The following APOL5 variants were observed in gnomAD, a reference collection of about 807,000 sequenced individuals.
The protein encoded by APOL5 is apolipoprotein L5.
In APOL5, 29 loss-of-function variants were observed where a neutral mutation model predicts 35.5. The observed-to-expected ratio is 0.82, with a 90% CI of 0.61 to 1.11. The LOEUF (loss-of-function observed/expected upper bound fraction) is 1.11, where lower values mean the gene tolerates loss of function less well. Among genes scored for constraint, APOL5 ranks in the 50% most tolerant of loss-of-function variants. The pLI is 0.00. For synonymous variants in APOL5, 188 were observed against 200.2 expected, an observed-to-expected ratio of 0.94 and a Z score of 0.51; for missense variants, 514 against 530.4, an observed-to-expected ratio of 0.97 and a Z score of 0.30.
At chr22:35,719,765 T>A (rs1926895109) in intron 1 of APOL5, among the ~76,000 whole-genome samples, 1 of 152,166 alleles carries the variant, frequency 6.6e-6, no homozygotes, top group Non-Finnish European at 1.5e-5. Flanking sequence ...CGAGCCCCAG[T>A]GAGCTTATCG....
At chr22:35,721,332 C>CAGGA (rs938225739) in intron 2 of APOL5, among the ~76,000 whole-genome samples, 1 of 152,098 alleles carries the variant, frequency 6.6e-6, no homozygotes, top group African/African-American at 2.4e-5. Flanking sequence ...CGCTTGAGGT[C>CAGGA]AGGAGTTCAA....
intron 3 of APOL5, 129 bp downstream of exon 3, chr22:35,727,323 AC>A: frequency 7.4e-7 from 1 of 1,345,724 alleles, no homozygotes; most frequent in Non-Finnish European, 1.0e-6. Context: ...CAAAGAGAGG[AC>A]TTGCCGCACA....
intron 3 of APOL5, among the ~76,000 whole-genome samples, chr22:35,728,450 C>T (rs1300466459): frequency 6.6e-6 from 1 of 152,300 alleles, no homozygotes. Flanking sequence ...GTCTCGATCT[C>T]CTGACCTCGT....
At chr22:35,720,685 T>G (rs374963485) in intron 2 of APOL5, 31 bp downstream of exon 2, 22 of 1,460,436 alleles carry the variant, frequency 1.5e-5, no homozygotes, top group Non-Finnish European at 2.1e-5. Context: ...GTTATGCTTA[T>G]GGCCACAATC....
intron 1 of APOL5, among the ~76,000 whole-genome samples, chr22:35,718,256 T>C (rs1272208031): frequency 6.6e-6 from 1 of 152,160 alleles, no homozygotes; most frequent in Non-Finnish European, 1.5e-5. Context: ...CTGGTTAAAG[T>C]AGAGGCAGCA....
At chr22:35,720,683 T>A (rs1601895948) in intron 2 of APOL5, 29 bp downstream of exon 2, 1 of 1,469,858 alleles carries the variant, frequency 6.8e-7, no homozygotes, top group Non-Finnish European at 9.5e-7. Flanking sequence ...CTGTTATGCT[T>A]ATGGCCACAA....
chr22:35,718,593 CAAAAAAA>C (rs58513283), intron 1 of APOL5, among the ~76,000 whole-genome samples: 7,739 of 97,076 alleles, frequency 0.08, 272 homozygotes, highest in Middle Eastern at 0.23. Context: ...GACCCCGTCT[CAAAAAAA>C]AAAAAAAAAA....
chr22:35,726,202 T>A lies in APOL5; in HGVS notation c.143-9T>A, dbSNP rs1927146219. 1 of 1,601,392 alleles carries A rather than the reference T, an allele frequency of 6.2e-7. No homozygotes were observed. Among genetic ancestry groups the A allele is most frequent in the African/African-American group, 1.3e-5 (1 of 74,730 alleles). ...CATTTTAGTGCTCAGATTGCCTAGATGTCTTTAGCCTCACTCGTGAACCTG... is the reference window on the plus strand; with the variant it reads ...CATTTTAGTGCTCAGATTGCCTAGAAGTCTTTAGCCTCACTCGTGAACCTG... On this transcript the variant is annotated splice_polypyrimidine_tract_variant and intron_variant, in intron 2 of 4. Coordinates refer to ENST00000249044, the MANE Select transcript of APOL5 (RefSeq NM_030642.1).
chr22:35,718,331 A>G (rs555177752), intron 1 of APOL5, among the ~76,000 whole-genome samples: 2 of 152,302 alleles, frequency 1.3e-5, no homozygotes, highest in African/African-American at 2.4e-5. Flanking sequence ...ATGACCCCAA[A>G]GCACGGTTGG....
At chr22:35,720,275 A>G (rs1158757944) in intron 1 of APOL5, among the ~76,000 whole-genome samples, 3 of 152,218 alleles carry the variant, frequency 2.0e-5, no homozygotes, top group Admixed American at 1.3e-4. Flanking sequence ...ATTAACGTAT[A>G]ACGTCAACAT....
intron 3 of APOL5, among the ~76,000 whole-genome samples, chr22:35,728,512 C>T (rs548858735): frequency 1.3e-4 from 20 of 152,344 alleles, no homozygotes; most frequent in African/African-American, 4.3e-4. Context: ...CGTGAGCAAC[C>T]GCGCCCGGCC....
intron 3 of APOL5, among the ~76,000 whole-genome samples, chr22:35,728,444 C>A (rs950337305): frequency 3.3e-5 from 5 of 152,116 alleles, no homozygotes; most frequent in Non-Finnish European, 7.4e-5. Flanking sequence ...AGGATGGTCT[C>A]GATCTCCTGA....
chr22:35,717,235 A>AAAT, upstream of APOL5, among the ~76,000 whole-genome samples: 664 of 57,654 alleles, frequency 0.012, 18 homozygotes, highest in Non-Finnish European at 0.015. Flanking sequence ...AAAAAAAAAA[A>AAAT]ATATATATAT....
chr22:35,713,088 G>T (rs1469603878), upstream of APOL5, among the ~76,000 whole-genome samples: 1 of 152,136 alleles, frequency 6.6e-6, no homozygotes, highest in Non-Finnish European at 1.5e-5. Context: ...TTGAAGAGAG[G>T]CTTTTCTTTT....
intron 2 of APOL5, among the ~76,000 whole-genome samples, chr22:35,724,872 A>G (rs1927096426): frequency 6.6e-6 from 1 of 152,156 alleles, no homozygotes. Context: ...CGGTGTCCCA[A>G]AGTGCTGAGA....
intron 2 of APOL5, among the ~76,000 whole-genome samples, chr22:35,725,252 GTTTTTTGTTTTGT>G (rs1056260187): frequency 6.6e-5 from 10 of 152,004 alleles, no homozygotes; most frequent in Admixed American, 1.3e-4. Flanking sequence ...CGAGGACTGG[GTTTTTTGTTTTGT>G]TTTTTTGTTT....
intron 1 of APOL5, among the ~76,000 whole-genome samples, chr22:35,719,756 G>A (rs1043943687): frequency 3.9e-5 from 6 of 152,054 alleles, no homozygotes; most frequent in South Asian, 2.1e-4. Flanking sequence ...TGCAGCTCCC[G>A]AGCCCCAGTG....
At position 35,728,981 on chromosome 22, in the gene APOL5, T is replaced by C. The variant is rs1927276132; in HGVS notation, c.*6+77T>C. The stretch of plus-strand genomic sequence containing the variant: ...TAACCCCTCCTTGGGTGGGTGGGCT[T>C]CAGGGAAAGAGAGGGAGGGCCTAAC... On this transcript the variant is annotated intron_variant, in intron 4 of 4. Transcript: ENST00000249044. 7 of 1,412,992 alleles carry C rather than the reference T, an allele frequency of 5.0e-6. No homozygotes were observed. In the South Asian group the frequency reaches 1.1e-4, roughly 21 times the overall value. The allele number at this position is 1,412,992 out of a possible 1,614,324, so 87.5% of individuals were successfully genotyped here.
In APOL5 at chr22:35,726,724, A is replaced by G. The variant is rs751947342; in HGVS notation, c.656A>G (p.Asn219Ser). Reference protein sequence around the residue: ...TTSHEAFGGINWSEIEAAGFC... With the variant: ...TTSHEAFGGISWSEIEAAGFC... ...TCACATGAGGCTTTCGGAGGAATAA[A>G]TTGGTCTGAAATCGAGGCTGCTGGC... The change falls in exon 3 of 5, where the codon AAT (asparagine) becomes AGT (serine). Residue 219 changes from asparagine (N) to serine (S), a missense_variant. Around this residue, in one of 3 missense-constraint regions of APOL5, gnomAD observed 22 missense variants for 46.6 expected, o/e 0.47. Coordinates refer to ENST00000249044, the MANE Select transcript of APOL5 (RefSeq NM_030642.1). 2 of 1,614,218 alleles carry G rather than the reference A, an allele frequency of 1.2e-6. No individual in the cohort carries two copies. Among genetic ancestry groups the G allele is most frequent in the Non-Finnish European group, 1.7e-6 (2 of 1,180,038 alleles).
Sources: allele counts gnomAD v4.1 joint callset (sites outside exome capture counted in the v4.1 genomes callset), GRCh38; gene constraint gnomAD v4.1.1; regional missense constraint gnomAD v4.1.1; transcripts MANE v1.5; gene names NCBI Gene and HGNC (gene_info 2026-07-23, HGNC 2026-07-21).